Variants in ADD1 observed in about 807,000 individuals in gnomAD.
ADD1 encodes adducin 1, also known as alpha-adducin.
In ADD1, 24 loss-of-function variants were observed where a neutral mutation model predicts 80.5. The observed-to-expected ratio is 0.30, with a 90% CI of 0.22 to 0.42. ADD1 has a LOEUF of 0.42. ADD1 is among the 10% of genes least tolerant of loss of function. The pLI, the probability that ADD1 is intolerant of heterozygous loss-of-function variation, is 1.00. For missense variants in ADD1, 948 were observed against 1,019.0 expected, an observed-to-expected ratio of 0.93 and a Z score of 0.95; for synonymous variants, 373 against 393.8, an observed-to-expected ratio of 0.95 and a Z score of 0.63.
chr4:2,907,706 C>T, intron 10 of ADD1, 37 bp from the exon 11 acceptor site: 1 of 1,545,098 alleles, frequency 6.5e-7, no homozygotes, highest in Non-Finnish European at 8.9e-7. Context: ...TTATTGTTGT[C>T]ATAATTCTGA....
Position 2,926,229 on chromosome 4 carries a change from C to A in ADD1, c.2047+117C>A. On this transcript the variant is annotated intron_variant, in intron 15 of 15. Coordinates refer to ENST00000683351, the MANE Select transcript of ADD1 (RefSeq NM_001354761.2). This position sits in a 1 kb window ranked among gnomAD's most constrained non-coding sequence, Gnocchi z 5.0. ...ACACGGAAGTGTGTGCTTGCATCAG[C>A]GCCAGGACGTGACACCTTTCTCCTC... 1 of 916,500 alleles carries A rather than the reference C, an allele frequency of 1.1e-6. No individual in the cohort carries two copies. The highest frequency in any genetic ancestry group is 1.8e-6 in the Non-Finnish European group (1 of 563,504). 56.8% of individuals were successfully genotyped at this position (916,500 alleles called of 1,614,324 possible).
chr4:2,901,693 AT>A (rs1736198361), intron 9 of ADD1: 1 of 152,186 alleles, frequency 6.6e-6, no homozygotes, highest in Non-Finnish European at 1.5e-5. Flanking sequence ...CACTCCTGTG[AT>A]CCCAGCACTT....
chr4:2,902,136 A>C (rs1429413473), intron 9 of ADD1: 1 of 152,192 alleles, frequency 6.6e-6, no homozygotes, highest in Non-Finnish European at 1.5e-5. Flanking sequence ...ACAGCATTTA[A>C]AGGGGAAGAA....
At chr4:2,848,204 C>G (rs1269480763) in intron 1 of ADD1, among the ~76,000 whole-genome samples, 2 of 147,582 alleles carry the variant, frequency 1.4e-5, no homozygotes, top group Non-Finnish European at 3.0e-5. Context: ...CAGAGTGAGA[C>G]TCCGTCTCAA....
Position 2,893,862 on chromosome 4 carries a change from G to C in ADD1, c.511-151G>C, listed in dbSNP as rs187753039. On this transcript the variant is annotated intron_variant, in intron 4 of 15. Coordinates refer to ENST00000683351, the MANE Select transcript of ADD1 (RefSeq NM_001354761.2). ...ACAGTAGAATAATGGAAAGCTTCCA[G>C]TACCCCTTGGCTTCGTGACAGGCAT... 8.4e-4 allele frequency: 543 copies of C among 645,594 alleles called. 16 individuals carry two copies. The Admixed American group carries it at 0.013, about 16-fold the overall frequency. 40.0% of individuals were successfully genotyped at this position (645,594 alleles called of 1,614,324 possible). A position where few individuals can be genotyped will look rare whatever the true frequency, so the allele number is the denominator to read the frequency against.
chr4:2,864,968 T>A (rs1274907656), intron 1 of ADD1, among the ~76,000 whole-genome samples: 1 of 152,182 alleles, frequency 6.6e-6, no homozygotes, highest in East Asian at 1.9e-4. Context: ...AATGTGTGTG[T>A]GTATATCTAT....
chr4:2,896,606 G>A (rs1372498294), intron 6 of ADD1, among the ~76,000 whole-genome samples: 2 of 152,002 alleles, frequency 1.3e-5, no homozygotes, highest in Non-Finnish European at 2.9e-5. Flanking sequence ...TGTCAACATC[G>A]TGGTTTTATT....
chr4:2,889,653 T>G (rs944171769), intron 4 of ADD1, among the ~76,000 whole-genome samples: 10 of 151,964 alleles, frequency 6.6e-5, no homozygotes, highest in African/African-American at 2.4e-4. Flanking sequence ...GAAACCCATC[T>G]CTACCAAAAA....
At chr4:2,884,117 G>C (rs1732847932) in intron 3 of ADD1, among the ~76,000 whole-genome samples, 1 of 152,120 alleles carries the variant, frequency 6.6e-6, no homozygotes, top group Non-Finnish European at 1.5e-5. Flanking sequence ...CTTCTCTAAT[G>C]TATACGTTTA....
At chr4:2,848,170 G>A (rs1167163409) in intron 1 of ADD1, among the ~76,000 whole-genome samples, 4 of 151,126 alleles carry the variant, frequency 2.6e-5, no homozygotes, top group Admixed American at 2.0e-4. Flanking sequence ...AGTTGAGATC[G>A]TGCCATTGCA....
Position 2,894,588 on chromosome 4 carries a change from A to G in ADD1, c.598A>G (p.Ile200Val), listed in dbSNP as rs1041935572. Residue 200 changes from isoleucine to valine, a missense_variant, in exon 6 of 16, where the codon ATC becomes GTC. Coordinates refer to ENST00000683351, the MANE Select transcript of ADD1 (RefSeq NM_001354761.2). ...TTTATTTTTTTATTTTCAGGTTAAGATCAATCTACAAGGAGATATAGTAGA... is the reference window on the plus strand; with the variant it reads ...TTTATTTTTTTATTTTCAGGTTAAGGTCAATCTACAAGGAGATATAGTAGA... The part of the protein sequence containing the change: ...SEVTASSLVK[I>V]NLQGDIVDRG... 3 of 1,599,576 alleles carry G rather than the reference A, an allele frequency of 1.9e-6. No homozygotes were observed. The highest frequency in any genetic ancestry group is 3.5e-5 in the Admixed American group (2 of 56,772).
In ADD1 at chr4:2,894,585, A is replaced by G. The variant is rs749709212; in HGVS notation, c.595A>G (p.Lys199Glu). The change falls in exon 6 of 16, where the codon AAG becomes GAG. Residue 199 changes from lysine (K) to glutamate (E), a missense_variant. Coordinates refer to ENST00000683351, the MANE Select transcript of ADD1 (RefSeq NM_001354761.2). ...ATTTTTATTTTTTTATTTTCAGGTTAAGATCAATCTACAAGGAGATATAGT... is the reference window on the plus strand; with the variant it reads ...ATTTTTATTTTTTTATTTTCAGGTTGAGATCAATCTACAAGGAGATATAGT... ...YSEVTASSLVKINLQGDIVDR... is the reference protein window; with the variant it reads ...YSEVTASSLVEINLQGDIVDR... The G allele has an allele frequency of 6.3e-7, 1 of 1,593,498 alleles. No individual in the cohort carries two copies. The highest frequency in any genetic ancestry group is 1.8e-5 in the Admixed American group (1 of 54,354).
chr4:2,928,191 A>G lies in ADD1; in HGVS notation c.2068A>G (p.Thr690Ala), dbSNP rs767155270. ...ACTAGACCTTGTGCCGGAGCCGACTACTGGAGATGACAGTGATGCTGCCAC... is the reference window on the plus strand; with the variant it reads ...ACTAGACCTTGTGCCGGAGCCGACTGCTGGAGATGACAGTGATGCTGCCAC... ...LEEDLVPEPT[T>A]GDDSDAATFK... The change falls in exon 16 of 16, where the codon ACT becomes GCT. Residue 690 changes from threonine to alanine, a missense_variant. By Grantham distance (58) the Thr-to-Ala change is moderately conservative. Transcript: ENST00000683351. The G allele has an allele frequency of 8.7e-6, 14 of 1,613,950 alleles. No homozygotes were observed. In the South Asian group the frequency reaches 1.5e-4, roughly 18 times the overall value.
intron 14 of ADD1, among the ~76,000 whole-genome samples, chr4:2,924,968 C>T (rs1258859031): frequency 3.3e-5 from 5 of 152,104 alleles, no homozygotes; most frequent in African/African-American, 9.7e-5. Flanking sequence ...GTGGAGTTTC[C>T]CCCCGATGTG....
chr4:2,847,522 C>T (rs1354235057), intron 1 of ADD1, among the ~76,000 whole-genome samples: 1 of 152,190 alleles, frequency 6.6e-6, no homozygotes, highest in Non-Finnish European at 1.5e-5. Context: ...ACTGTTTCAA[C>T]CCACACCGTA....
chr4:2,859,617 C>G (rs1486495218), intron 1 of ADD1, among the ~76,000 whole-genome samples: 1 of 152,206 alleles, frequency 6.6e-6, no homozygotes, highest in Non-Finnish European at 1.5e-5. Context: ...AAAGCAAAAC[C>G]AAAGCAGACA....
chr4:2,866,494 GT>G (rs10717054), intron 1 of ADD1, among the ~76,000 whole-genome samples: 75,684 of 146,758 alleles, frequency 0.52, 19,368 homozygotes, highest in African/African-American at 0.6. Context: ...ATTTTAAATC[GT>G]TTTTTTTTTT....
At chr4:2,876,528 C>G (rs914069070) in intron 2 of ADD1, 2 of 152,980 alleles carry the variant, frequency 1.3e-5, no homozygotes, top group Non-Finnish European at 2.9e-5. Context: ...ACGGTGAAAC[C>G]CTGTCTCCAT....
At chr4:2,845,752 G>A (rs1347196593) in intron 1 of ADD1, among the ~76,000 whole-genome samples, 1 of 152,170 alleles carries the variant, frequency 6.6e-6, no homozygotes, top group Admixed American at 6.5e-5. Context: ...CATAAAAACT[G>A]TTTATTTACA....
Sources: gnomAD v4.1 joint callset for allele counts (sites outside exome capture counted in the v4.1 genomes callset) on GRCh38, gnomAD v4.1.1 for gene constraint, Gnocchi (gnomAD v3.1) non-coding constraint, MANE v1.5 for transcripts, NCBI Gene and HGNC (gene_info 2026-07-23, HGNC 2026-07-21) for gene names.